Variants in MAGI1 observed in about 807,000 individuals in gnomAD.
The protein encoded by MAGI1 is membrane associated guanylate kinase, WW and PDZ domain containing 1, also known as membrane-associated guanylate kinase, WW and PDZ domain-containing protein 1.
In MAGI1, 58 loss-of-function variants were observed where a neutral mutation model predicts 139.9. The observed-to-expected ratio is 0.41, with a 90% CI of 0.34 to 0.52. MAGI1 has a LOEUF of 0.52. MAGI1 is among the 20% of genes least tolerant of loss of function. The probability of loss-of-function intolerance (pLI) is 0.12; values close to 1 mark genes in which losing one functional copy is unlikely to be tolerated. For synonymous variants in MAGI1, 812 were observed against 737.9 expected (o/e 1.10, Z -1.63); for missense variants, 1,874 against 1,901.6 (o/e 0.99, Z 0.27).
At chr3:65,853,098 A>G (rs914469023) in intron 1 of MAGI1, among the ~76,000 whole-genome samples, 1 of 152,012 alleles carries the variant, frequency 6.6e-6, no homozygotes, top group Non-Finnish European at 1.5e-5. Context: ...CCCTCCGGGA[A>G]CCAAGTGCAT....
At chr3:65,655,213 C>CA (rs566805011) in intron 1 of MAGI1, among the ~76,000 whole-genome samples, 68 of 152,216 alleles carry the variant, frequency 4.5e-4, no homozygotes, top group African/African-American at 1.6e-3. Context: ...TGAGGACAGA[C>CA]AGAGACGTAG....
chr3:65,838,674 A>C (rs1047362837), intron 1 of MAGI1, among the ~76,000 whole-genome samples: 24 of 152,224 alleles, frequency 1.6e-4, no homozygotes, highest in African/African-American at 5.5e-4. Flanking sequence ...TTATAAACAA[A>C]GCTGCTATGG....
intron 1 of MAGI1, among the ~76,000 whole-genome samples, chr3:65,805,757 A>G (rs1029837580): frequency 6.6e-6 from 1 of 152,248 alleles, no homozygotes; most frequent in African/African-American, 2.4e-5. Flanking sequence ...CTATGCAGCC[A>G]TAAAAAGGAA....
At chr3:66,008,919 A>C (rs1185747093) in intron 1 of MAGI1, 4 of 152,294 alleles carry the variant, frequency 2.6e-5, no homozygotes, top group Non-Finnish European at 4.4e-5. Context: ...GCCAGGTTAG[A>C]GAAAAGAAGG....
chr3:65,567,751 A>G (rs1422500451), intron 2 of MAGI1, among the ~76,000 whole-genome samples: 1 of 152,028 alleles, frequency 6.6e-6, no homozygotes, highest in Non-Finnish European at 1.5e-5. Flanking sequence ...AAGGTGAATC[A>G]CTTGAACCTG....
At chr3:65,520,822 A>G (rs184524072) in intron 2 of MAGI1, among the ~76,000 whole-genome samples, 1 of 152,320 alleles carries the variant, frequency 6.6e-6, no homozygotes, top group Admixed American at 6.5e-5. Flanking sequence ...TGCCTTTCAG[A>G]AGCCTTTCGT....
intron 1 of MAGI1, among the ~76,000 whole-genome samples, chr3:65,783,780 G>C (rs2039140381): frequency 1.5e-5 from 2 of 135,764 alleles, no homozygotes; most frequent in Non-Finnish European, 1.5e-5. Context: ...TTACAGGTGT[G>C]AGCCACCACA....
intron 1 of MAGI1, among the ~76,000 whole-genome samples, chr3:65,908,046 GAATCA>G (rs1245554270): frequency 6.6e-6 from 1 of 151,956 alleles, no homozygotes; most frequent in African/African-American, 2.4e-5. Flanking sequence ...AACTAAAAAA[GAATCA>G]AAGTTAACAC....
chr3:65,577,155 T>C (rs897865740), intron 2 of MAGI1, among the ~76,000 whole-genome samples: 2 of 152,182 alleles, frequency 1.3e-5, no homozygotes, highest in African/African-American at 2.4e-5. Flanking sequence ...AGGGTTTCTA[T>C]AGTTAGAAGT....
intron 1 of MAGI1, among the ~76,000 whole-genome samples, chr3:65,886,206 C>G (rs145111121): frequency 6.6e-6 from 1 of 152,132 alleles, no homozygotes; most frequent in Non-Finnish European, 1.5e-5. Flanking sequence ...CTGTTTCACA[C>G]CAATTCTGCA....
At chr3:65,691,936 C>T (rs57836266) in intron 1 of MAGI1, among the ~76,000 whole-genome samples, 25,873 of 152,042 alleles carry the variant, frequency 0.17, 2,680 homozygotes, top group Non-Finnish European at 0.24. Context: ...AACCAAATAG[C>T]CATTATTAAA....
intron 1 of MAGI1, among the ~76,000 whole-genome samples, chr3:65,934,028 G>A (rs1230402028): frequency 2.0e-5 from 3 of 152,122 alleles, no homozygotes; most frequent in Non-Finnish European, 2.9e-5. Flanking sequence ...TCGGGAGGCT[G>A]AGGCAGGAGA....
At chr3:65,491,223 G>A (rs1469262491) in intron 3 of MAGI1, among the ~76,000 whole-genome samples, 1 of 152,064 alleles carries the variant, frequency 6.6e-6, no homozygotes, top group Non-Finnish European at 1.5e-5. Flanking sequence ...TAGCATTCTA[G>A]AACTGGCTGT....
At chr3:65,508,759 C>G (rs1278663932) in intron 2 of MAGI1, among the ~76,000 whole-genome samples, 1 of 152,088 alleles carries the variant, frequency 6.6e-6, no homozygotes, top group African/African-American at 2.4e-5. Context: ...ATATAAATAA[C>G]AAAAGAAAAA....
At chr3:65,735,180 A>AT (rs912666221) in intron 1 of MAGI1, among the ~76,000 whole-genome samples, 45 of 152,192 alleles carry the variant, frequency 3.0e-4, no homozygotes, top group African/African-American at 1.0e-3. Context: ...CTAGCATTTA[A>AT]TTTTTTTCTT....
intron 1 of MAGI1, among the ~76,000 whole-genome samples, chr3:65,947,833 G>A (rs923193757): frequency 6.6e-6 from 1 of 151,828 alleles, no homozygotes; most frequent in Non-Finnish European, 1.5e-5. Context: ...ACCCAGGCTG[G>A]TCCCAAACCC....
chr3:65,933,461 C>A (rs1466025295), intron 1 of MAGI1, among the ~76,000 whole-genome samples: 2 of 152,184 alleles, frequency 1.3e-5, no homozygotes, highest in African/African-American at 4.8e-5. Flanking sequence ...CATACTATAG[C>A]AGCTAGCCTT....
At chr3:65,554,044 T>C (rs987847917) in intron 2 of MAGI1, among the ~76,000 whole-genome samples, 1 of 152,228 alleles carries the variant, frequency 6.6e-6, no homozygotes, top group African/African-American at 2.4e-5. Context: ...CAACCCCTGC[T>C]TTCCAGTGAA....
intron 2 of MAGI1, among the ~76,000 whole-genome samples, chr3:65,530,661 G>A (rs75883806): frequency 0.032 from 2,987 of 92,754 alleles, 155 homozygotes; most frequent in African/African-American, 0.098. Flanking sequence ...GTGTGTGTGT[G>A]TATATATATA....
Sources: allele counts gnomAD v4.1 joint callset (sites outside exome capture counted in the v4.1 genomes callset), GRCh38; gene constraint gnomAD v4.1.1; transcripts MANE v1.5; gene names NCBI Gene and HGNC (gene_info 2026-07-23, HGNC 2026-07-21).